Variants in HEG1 observed in about 807,000 individuals in gnomAD.
HEG1 encodes the protein protein HEG homolog 1.
A neutral mutation model predicts 125.6 loss-of-function variants in HEG1; 56 were observed. The observed-to-expected ratio is 0.45, with a 90% CI of 0.36 to 0.56. The LOEUF (loss-of-function observed/expected upper bound fraction) is 0.56, where lower values mean the gene tolerates loss of function less well. Among genes scored for constraint, HEG1 ranks in the 20% least tolerant of loss-of-function variants. The probability of loss-of-function intolerance (pLI) is 0.00; values close to 1 mark genes in which losing one functional copy is unlikely to be tolerated. For missense variants in HEG1, 1,523 were observed against 1,670.0 expected, an observed-to-expected ratio of 0.91 and a Z score of 1.53; for synonymous variants, 644 against 668.5, an observed-to-expected ratio of 0.96 and a Z score of 0.57.
intron 14 of HEG1, among the ~76,000 whole-genome samples, chr3:124,978,839 A>T (rs569001316): frequency 6.6e-6 from 1 of 151,528 alleles, no homozygotes; most frequent in African/African-American, 2.4e-5. Context: ...ATAAATAAAT[A>T]AATAAAAAAG....
chr3:125,047,713 T>G (rs1937696817), intron 1 of HEG1, among the ~76,000 whole-genome samples: 1 of 151,568 alleles, frequency 6.6e-6, no homozygotes, highest in Non-Finnish European at 1.5e-5. Flanking sequence ...GAAAATGGAG[T>G]GGTTTTCAAT....
At chr3:124,989,811 C>A (rs941953165) in intron 14 of HEG1, among the ~76,000 whole-genome samples, 5 of 152,214 alleles carry the variant, frequency 3.3e-5, no homozygotes, top group Admixed American at 2.6e-4. Flanking sequence ...AAATTGCTTT[C>A]CTTGATCAAA....
intron 12 of HEG1, among the ~76,000 whole-genome samples, chr3:124,996,646 GA>G (rs1016376534): frequency 6.6e-6 from 1 of 152,218 alleles, no homozygotes; most frequent in Non-Finnish European, 1.5e-5. Context: ...CAGAGGGTCT[GA>G]AGCTCAGGAT....
intron 14 of HEG1, among the ~76,000 whole-genome samples, chr3:124,978,901 T>C (rs1342540260): frequency 1.3e-5 from 2 of 151,884 alleles, no homozygotes; most frequent in Non-Finnish European, 2.9e-5. Context: ...CCTTTGGTGT[T>C]GTTTAATTTT....
chr3:125,011,916 G>A lies in HEG1; in HGVS notation c.2956+707C>T, dbSNP rs575489162. 5.3e-5 allele frequency among the ~76,000 whole-genome samples: 8 copies of A among 152,250 alleles called. No individual in the cohort carries two copies. The South Asian group carries it at 1.7e-3, about 32-fold the overall frequency. ...TAAATGACAAAGGATCATTTGGCTG[G>A]CTTTACTTTCCTGGTACCAGCAACT... On this transcript the variant is annotated intron_variant, in intron 6 of 16. Transcript: ENST00000311127.
At chr3:125,017,587 G>C (rs1023762631) in intron 5 of HEG1, among the ~76,000 whole-genome samples, 1 of 152,186 alleles carries the variant, frequency 6.6e-6, no homozygotes, top group African/African-American at 2.4e-5. Context: ...TGTTGGTGAA[G>C]ATGTAGCAAC....
intron 16 of HEG1, chr3:124,971,042 C>A (rs1395541506): frequency 1.7e-6 from 1 of 601,660 alleles, no homozygotes; most frequent in Non-Finnish European, 3.1e-6. Context: ...GAGGAACTGA[C>A]CTTTATAAGG....
At chr3:125,039,655 G>A (rs1490103758) in intron 1 of HEG1, among the ~76,000 whole-genome samples, 2 of 152,014 alleles carry the variant, frequency 1.3e-5, no homozygotes, top group African/African-American at 2.4e-5. Flanking sequence ...TTAATACCCT[G>A]TCAAGCGGGT....
In HEG1 at chr3:124,973,767, G is replaced by A; in HGVS notation, c.3960C>T (p.Thr1320=). The A allele has an allele frequency of 3.7e-6, 6 of 1,613,764 alleles. No homozygotes were observed. The highest frequency in any genetic ancestry group is 5.1e-6 in the Non-Finnish European group (6 of 1,179,838). Residue 1320 remains threonine (T), a synonymous_variant, in exon 16 of 17, where the codon ACC becomes ACT. Coordinates refer to ENST00000311127, the MANE Select transcript of HEG1 (RefSeq NM_020733.2). ...CATCCGTCATCTGGAGGAGGTTTTTGGTACTTCCATTCTCATGCATTTCAA... is the reference window on the plus strand; with the variant it reads ...CATCCGTCATCTGGAGGAGGTTTTTAGTACTTCCATTCTCATGCATTTCAA... ...EAIEMHENGS[T]KNLLQMTDVY... is the part of the protein sequence containing the mutation.
intron 14 of HEG1, among the ~76,000 whole-genome samples, chr3:124,982,860 C>T (rs900176548): frequency 2.0e-5 from 3 of 152,168 alleles, no homozygotes; most frequent in Non-Finnish European, 2.9e-5. Flanking sequence ...TTAGTTACTT[C>T]CCAGGAATTT....
chr3:124,998,063 C>T (rs1936948937), intron 11 of HEG1, among the ~76,000 whole-genome samples: 1 of 152,192 alleles, frequency 6.6e-6, no homozygotes, highest in African/African-American at 2.4e-5. Context: ...GTTGAAAACA[C>T]CCTCACAGCG....
intron 3 of HEG1, among the ~76,000 whole-genome samples, chr3:125,023,050 C>T (rs796144393): frequency 6.6e-5 from 10 of 152,102 alleles, no homozygotes; most frequent in African/African-American, 1.9e-4. Context: ...AAAAATTAGC[C>T]GGCTGTGGTG....
intron 5 of HEG1, chr3:125,014,897 T>C: frequency 7.8e-7 from 1 of 1,289,858 alleles, no homozygotes; most frequent in Non-Finnish European, 1.0e-6. Context: ...GTTCCCCGTT[T>C]CCAGTGACAG....
Position 125,012,907 on chromosome 3 carries a change from G to A in HEG1, c.2672C>T (p.Pro891Leu), listed in dbSNP as rs1183919751. 6 of 1,614,058 alleles carry A rather than the reference G, an allele frequency of 3.7e-6. No homozygotes were observed. The highest frequency in any genetic ancestry group is 5.1e-6 in the Non-Finnish European group (6 of 1,179,902). The change falls in exon 6 of 17, where the codon CCT becomes CTT. Residue 891 changes from proline (P) to leucine (L), a missense_variant. Coordinates refer to ENST00000311127, the MANE Select transcript of HEG1 (RefSeq NM_020733.2). The part of the protein sequence containing the change: ...LSLTHPEILV[P>L]QISTEGGIST... ...GATGCCACCTTCTGTTGAGATTTGA[G>A]GAACTAGTATTTCAGGATGGGTCAG...
intron 11 of HEG1, among the ~76,000 whole-genome samples, chr3:124,998,941 G>A (rs1392284503): frequency 1.3e-5 from 2 of 152,206 alleles, no homozygotes; most frequent in African/African-American, 2.4e-5. Context: ...TGTGCAGGGA[G>A]GAATGGCTGC....
intron 14 of HEG1, among the ~76,000 whole-genome samples, chr3:124,982,388 A>C (rs1046508686): frequency 3.3e-5 from 5 of 152,328 alleles, no homozygotes; most frequent in Non-Finnish European, 5.9e-5. Context: ...AGTGTTTCCT[A>C]GCTTTAGAGG....
Position 124,970,671 on chromosome 3 carries a change from C to T in HEG1, c.4127G>A (p.Arg1376Lys), listed in dbSNP as rs779858815. Reference sequence around the variant, plus strand: ...CTGGACTTAAAAGTAGTCTCTTCTTCTGCTTTCATCACTGATGAAAGACGG... The same window carrying T: ...CTGGACTTAAAAGTAGTCTCTTCTTTTGCTTTCATCACTGATGAAAGACGG... ...YNPSFISDES[R>K]RRDYF The change falls in exon 17 of 17, where the codon AGA becomes AAA. Residue 1376 changes from arginine (R) to lysine (K), a missense_variant. Transcript: ENST00000311127. The T allele has an allele frequency of 1.4e-5, 22 of 1,603,080 alleles. No homozygotes were observed. The highest frequency in any genetic ancestry group is 1.8e-5 in the Non-Finnish European group (21 of 1,174,796).
chr3:124,983,100 C>T (rs1936680970), intron 14 of HEG1, among the ~76,000 whole-genome samples: 1 of 152,158 alleles, frequency 6.6e-6, no homozygotes, highest in Admixed American at 6.5e-5. Context: ...CCTCCACTTC[C>T]TTGGTTCCTT....
chr3:125,023,360 C>T (rs1937365266), intron 3 of HEG1, among the ~76,000 whole-genome samples: 1 of 152,190 alleles, frequency 6.6e-6, no homozygotes, highest in African/African-American at 2.4e-5. Flanking sequence ...TGCTGAAAGT[C>T]ATGAAAGGAA....
Sources: allele counts gnomAD v4.1 joint callset (sites outside exome capture counted in the v4.1 genomes callset), GRCh38; gene constraint gnomAD v4.1.1; transcripts MANE v1.5; gene names NCBI Gene and HGNC (gene_info 2026-07-23, HGNC 2026-07-21).